The following EPAS1 variants were observed in gnomAD, a reference collection of about 807,000 sequenced individuals.
EPAS1 encodes endothelial PAS domain-containing protein 1.
Under a neutral mutation model 87.9 loss-of-function variants are expected in EPAS1, and 23 were observed. The ratio of observed to expected loss-of-function variants is 0.26; its 90% CI spans 0.19 to 0.37. The LOEUF (loss-of-function observed/expected upper bound fraction) is 0.37. EPAS1 is among the 10% of genes least tolerant of loss of function. The pLI is 1.00. For synonymous variants in EPAS1, 508 were observed against 444.3 expected (o/e 1.14, Z -1.80); for missense variants, 1,138 against 1,120.7 (o/e 1.02, Z -0.22).
chr2:46,356,052 A>G, intron 2 of EPAS1, 99 bp from the exon 3 acceptor site: 1 of 1,350,810 alleles, frequency 7.4e-7, no homozygotes, highest in East Asian at 2.3e-5. Context: ...AAGTCCACCC[A>G]ATGCCTTTGC....
rs1572650676 is a variant in EPAS1 at position 46,382,452 on chromosome 2, G to A, written c.2315G>A (p.Gly772Asp). The A allele has an allele frequency of 4.3e-6, 7 of 1,614,004 alleles. No individual in the cohort carries two copies. Among genetic ancestry groups the A allele is most frequent in the African/African-American group, 1.3e-5 (1 of 74,916 alleles). Residue 772 changes from glycine to aspartate, a missense_variant, in exon 15 of 16, where the codon GGC becomes GAC. Gly to Asp is a moderately conservative substitution (Grantham distance 94). Coordinates refer to ENST00000263734, the MANE Select transcript of EPAS1 (RefSeq NM_001430.5). Reference protein sequence around the residue: ...NDKFTQNPMRGLGHPLRHLPL... With the variant: ...NDKFTQNPMRDLGHPLRHLPL... ...AAGTTCACCCAAAACCCCATGAGGG[G>A]CCTGGGCCATCCCCTGAGACATCTG... is the stretch of plus-strand genomic sequence containing the variant.
chr2:46,332,793 C>A (rs997116381), intron 1 of EPAS1, among the ~76,000 whole-genome samples: 9 of 152,068 alleles, frequency 5.9e-5, no homozygotes, highest in African/African-American at 2.2e-4. Flanking sequence ...AAATCTGAGT[C>A]CAAGCAGGGC....
chr2:46,347,204 A>T lies in EPAS1; in HGVS notation c.217+141A>T. The T allele has an allele frequency of 1.1e-6, 1 of 879,324 alleles. No individual in the cohort carries two copies. The highest frequency in any genetic ancestry group is 1.9e-6 in the Non-Finnish European group (1 of 538,116). 54.5% of individuals were successfully genotyped at this position (879,324 alleles called of 1,614,324 possible). A position where few individuals can be genotyped will look rare whatever the true frequency, so the allele number is the denominator to read the frequency against. On this transcript the variant is annotated intron_variant, in intron 2 of 15. Transcript: ENST00000263734. This position sits in a 1 kb window ranked among gnomAD's most constrained non-coding sequence, Gnocchi z 4.2. ...ACCCACAGAAACACCATCATGAGTG[A>T]TTTATTCCTTCATGTTAAACATCTC...
At position 46,347,203 on chromosome 2, in the gene EPAS1, G is replaced by A. The variant is rs1452423033; in HGVS notation, c.217+140G>A. 3 of 881,614 alleles carry A rather than the reference G, an allele frequency of 3.4e-6. No individual in the cohort carries two copies. Among genetic ancestry groups the A allele is most frequent in the African/African-American group, 1.6e-5 (1 of 60,724 alleles). 54.6% of individuals were successfully genotyped at this position (881,614 alleles called of 1,614,324 possible). A position where few individuals can be genotyped will look rare whatever the true frequency, so the allele number is the denominator to read the frequency against. ...CACCCACAGAAACACCATCATGAGTGATTTATTCCTTCATGTTAAACATCT... is the reference window on the plus strand; with the variant it reads ...CACCCACAGAAACACCATCATGAGTAATTTATTCCTTCATGTTAAACATCT... On this transcript the variant is annotated intron_variant, in intron 2 of 15. Coordinates refer to ENST00000263734, the MANE Select transcript of EPAS1 (RefSeq NM_001430.5). The surrounding 1 kb of genome is among the most constrained non-coding windows in gnomAD (Gnocchi z 4.2).
intron 1 of EPAS1, among the ~76,000 whole-genome samples, chr2:46,323,078 C>T (rs1378744017): frequency 6.6e-6 from 1 of 152,108 alleles, no homozygotes; most frequent in Admixed American, 6.5e-5. Context: ...AGATTGCAGG[C>T]TGTGTGAAGC....
chr2:46,381,802 GCCCTTC>G, intron 13 of EPAS1, 80 bp downstream of exon 13: 2 of 1,595,060 alleles, frequency 1.3e-6, no homozygotes, highest in Admixed American at 1.7e-5. Flanking sequence ...TGGGGATGTG[GCCCTTC>G]CAAGCCAGCA....
Position 46,384,692 on chromosome 2 carries a change from C to G in EPAS1, c.*32C>G. The G allele has an allele frequency of 6.2e-7, 1 of 1,609,820 alleles. No individual in the cohort carries two copies. The highest frequency in any genetic ancestry group is 8.5e-7 in the Non-Finnish European group (1 of 1,179,072). On this transcript the variant is annotated 3_prime_UTR_variant, in exon 16 of 16. Transcript: ENST00000263734. ...CCTTCTACCTGGGCAGCACCTCTGCCGACGCCGTCCCACCAGCTTCACTCT... is the reference window on the plus strand; with the variant it reads ...CCTTCTACCTGGGCAGCACCTCTGCGGACGCCGTCCCACCAGCTTCACTCT...
At chr2:46,381,078 C>G (rs779883651) in intron 12 of EPAS1, 101 of 371,704 alleles carry the variant, frequency 2.7e-4, no homozygotes, top group Non-Finnish European at 4.3e-4. Context: ...AAAGATACCC[C>G]TGCCTCCCCT....
intron 1 of EPAS1, among the ~76,000 whole-genome samples, chr2:46,298,355 C>T (rs1682928552): frequency 6.6e-6 from 1 of 152,256 alleles, no homozygotes; most frequent in South Asian, 2.1e-4. Flanking sequence ...CTATTTTTCT[C>T]TGGATTCGCG....
At chr2:46,307,790 C>T (rs1042502733) in intron 1 of EPAS1, among the ~76,000 whole-genome samples, 1 of 152,160 alleles carries the variant, frequency 6.6e-6, no homozygotes, top group South Asian at 2.1e-4. Flanking sequence ...AGAAGAGGTC[C>T]ACATGGTGCT....
At chr2:46,378,208 G>A in intron 10 of EPAS1, 121 bp downstream of exon 10, 3 of 1,469,942 alleles carry the variant, frequency 2.0e-6, no homozygotes, top group South Asian at 2.7e-5. Flanking sequence ...GAGCCCCCTA[G>A]AGTGGCCGTG....
At chr2:46,319,154 G>A (rs1002472306) in intron 1 of EPAS1, among the ~76,000 whole-genome samples, 10 of 152,234 alleles carry the variant, frequency 6.6e-5, no homozygotes, top group African/African-American at 2.2e-4. Context: ...TAAGTGCCAT[G>A]TAGGCCTTTC....
intron 1 of EPAS1, among the ~76,000 whole-genome samples, chr2:46,331,719 A>T (rs941152073): frequency 6.6e-6 from 1 of 152,188 alleles, no homozygotes; most frequent in African/African-American, 2.4e-5. Flanking sequence ...CTTTCTACCA[A>T]CCGGCACCGA....
At position 46,308,973 on chromosome 2, in the gene EPAS1, A is replaced by T. The variant is rs184661701; in HGVS notation, c.26+11036A>T. Among the ~76,000 whole-genome samples, 357 of 152,334 alleles carry T rather than the reference A, an allele frequency of 2.3e-3. 3 individuals carry two copies. The highest frequency in any genetic ancestry group is 2.4e-3 in the Non-Finnish European group (166 of 68,030). On this transcript the variant is annotated intron_variant, in intron 1 of 15. Coordinates refer to ENST00000263734, the MANE Select transcript of EPAS1 (RefSeq NM_001430.5). ...TGCTTTTGAAGGTTGGGGGTGGCGT[A>T]TGTCCCTGATCACCACTCAAGTGGT...
chr2:46,348,934 C>G (rs925694869), intron 2 of EPAS1, among the ~76,000 whole-genome samples: 1 of 152,184 alleles, frequency 6.6e-6, no homozygotes, highest in Non-Finnish European at 1.5e-5. Context: ...AATTTGGACT[C>G]GTTGTGTTTC....
At chr2:46,319,989 C>T (rs532843166) in intron 1 of EPAS1, among the ~76,000 whole-genome samples, 1 of 152,144 alleles carries the variant, frequency 6.6e-6, no homozygotes, top group Non-Finnish European at 1.5e-5. Flanking sequence ...CGGCAGAATG[C>T]GAGGATTTTT....
intron 4 of EPAS1, among the ~76,000 whole-genome samples, chr2:46,358,118 T>C (rs553332877): frequency 8.5e-5 from 13 of 152,224 alleles, no homozygotes; most frequent in Admixed American, 8.5e-4. Context: ...TTGGCTCTTA[T>C]TACCACACAC....
At chr2:46,377,720 G>C (rs1684788271) in intron 9 of EPAS1, among the ~76,000 whole-genome samples, 174 bp from the exon 10 acceptor site, 1 of 152,152 alleles carries the variant, frequency 6.6e-6, no homozygotes, top group South Asian at 2.1e-4. Flanking sequence ...TTGACTCATA[G>C]CCAGAGTCAA....
In EPAS1 at chr2:46,375,468, T is replaced by C. The variant is rs1258740786; in HGVS notation, c.887-222T>C. On this transcript the variant is annotated intron_variant, in intron 7 of 15. Coordinates refer to ENST00000263734, the MANE Select transcript of EPAS1 (RefSeq NM_001430.5). The surrounding 1 kb of genome is among the most constrained non-coding windows in gnomAD (Gnocchi z 4.1). The stretch of plus-strand genomic sequence containing the variant: ...TCAGTAGACAGCCTTGGGCAAGTCA[T>C]TTCACCTCTTCTCACCTCTTTTTCC... Among the ~76,000 whole-genome samples, 3 of 152,130 alleles carry C rather than the reference T, an allele frequency of 2.0e-5. No homozygotes were observed. Among genetic ancestry groups the C allele is most frequent in the African/African-American group, 4.8e-5 (2 of 41,420 alleles).
Sources: gnomAD v4.1 joint callset for allele counts (sites outside exome capture counted in the v4.1 genomes callset) on GRCh38, gnomAD v4.1.1 for gene constraint, Gnocchi (gnomAD v3.1) non-coding constraint, MANE v1.5 for transcripts, NCBI Gene and HGNC (gene_info 2026-07-23, HGNC 2026-07-21) for gene names.